TK2: variants seen among roughly 807,000 people sequenced by gnomAD.
TK2 encodes the protein thymidine kinase 2.
A neutral mutation model predicts 41.9 loss-of-function variants in TK2; 35 were observed. That is an observed-to-expected ratio of 0.84 (90% CI 0.64 to 1.11). The LOEUF is 1.11. TK2 is among the 50% of genes least tolerant of loss of function. The pLI is 0.00. For synonymous variants in TK2, 128 were observed against 129.1 expected, an observed-to-expected ratio of 0.99 and a Z score of 0.06; for missense variants, 320 against 351.1, an observed-to-expected ratio of 0.91 and a Z score of 0.71.
intron 3 of TK2, 33 bp from the exon 4 acceptor site, chr16:66,537,050 T>C: frequency 6.2e-7 from 1 of 1,613,130 alleles, no homozygotes; most frequent in Non-Finnish European, 8.5e-7. Flanking sequence ...AGCTACTGTT[T>C]CTCTGTGCTG....
Position 66,541,866 on chromosome 16 carries a change from A to G in TK2, c.231+13T>C. On this transcript the variant is annotated intron_variant, in intron 3 of 9. Coordinates refer to ENST00000544898, the MANE Select transcript of TK2 (RefSeq NM_004614.5). ...TTTCTCCGCTTCCTTCAAACCTAGC[A>G]TAGAGGCTGTACCTCGACGTCTGTC... is the stretch of plus-strand genomic sequence containing the variant. The G allele has an allele frequency of 6.2e-7, 1 of 1,614,104 alleles. No individual in the cohort carries two copies. Among genetic ancestry groups the G allele is most frequent in the South Asian group, 1.1e-5 (1 of 91,084 alleles).
intron 1 of TK2, chr16:66,549,295 T>G (rs1965707387): frequency 8.2e-7 from 1 of 1,226,450 alleles, no homozygotes; most frequent in African/African-American, 1.5e-5. Context: ...CTTCACAGAC[T>G]GGATGTTAAG....
At chr16:66,539,537 G>A (rs1965390985) in intron 3 of TK2, among the ~76,000 whole-genome samples, 1 of 149,752 alleles carries the variant, frequency 6.7e-6, no homozygotes, top group Admixed American at 6.7e-5. Flanking sequence ...GGAGGCGGAG[G>A]TTGCAGTGAG....
chr16:66,537,925 G>A (rs556874002), intron 3 of TK2, among the ~76,000 whole-genome samples: 2 of 152,290 alleles, frequency 1.3e-5, no homozygotes, highest in South Asian at 4.1e-4. Flanking sequence ...CACTTTGGGA[G>A]GCCAAGGCAG....
intron 6 of TK2, among the ~76,000 whole-genome samples, chr16:66,526,317 A>C (rs1270587668): frequency 2.6e-5 from 4 of 152,226 alleles, no homozygotes; most frequent in Non-Finnish European, 5.9e-5. Flanking sequence ...GCTCAGAGAA[A>C]TTTAGAAACT....
chr16:66,539,466 T>G (rs906623220), intron 3 of TK2, among the ~76,000 whole-genome samples: 1 of 150,942 alleles, frequency 6.6e-6, no homozygotes. Context: ...CTGGGCATGG[T>G]GGTGGGTGCT....
At position 66,550,031 on chromosome 16, in the gene TK2, C is replaced by A. The variant is rs1395399302; in HGVS notation, c.31G>T (p.Ala11Ser). The stretch of plus-strand genomic sequence containing the variant: ...GGCCCAAAGCAGCGCAGCGCCCGGG[C>A]GGCCCAGCCCCGCAGCGGCCACAGC... Reference protein sequence around the residue: MLLWPLRGWAARALRCFGPGS... With the variant: MLLWPLRGWASRALRCFGPGS... The change falls in exon 1 of 10, where the codon GCC (alanine) becomes TCC (serine). Residue 11 changes from alanine to serine, a missense_variant. Ala to Ser is a moderately conservative substitution (Grantham distance 99). Coordinates refer to ENST00000544898, the MANE Select transcript of TK2 (RefSeq NM_004614.5). The A allele has an allele frequency of 1.9e-6, 3 of 1,552,694 alleles. No individual in the cohort carries two copies. The highest frequency in any genetic ancestry group is 1.4e-5 in the African/African-American group (1 of 73,366).
intron 2 of TK2, among the ~76,000 whole-genome samples, chr16:66,542,789 T>C (rs936880060): frequency 6.6e-6 from 1 of 152,218 alleles, no homozygotes; most frequent in African/African-American, 2.4e-5. Flanking sequence ...TAGGACCACC[T>C]GGGACCTTTT....
In TK2 at chr16:66,528,884, A is replaced by G. The variant is rs890274239; in HGVS notation, c.449+110T>C. ...ACACCGCATTGCTATGGCAATGGAT[A>G]ACTGATACAACAGCGGGTACTCCAT... On this transcript the variant is annotated intron_variant, in intron 6 of 9. Coordinates refer to ENST00000544898, the MANE Select transcript of TK2 (RefSeq NM_004614.5). 1.1e-5 allele frequency: 11 copies of G among 1,026,148 alleles called. No individual in the cohort carries two copies. The African/African-American group carries it at 1.6e-4, about 15-fold the overall frequency. 63.6% of individuals were successfully genotyped at this position (1,026,148 alleles called of 1,614,324 possible).
Position 66,544,842 on chromosome 16 carries a change from T to C in TK2, c.157-2889A>G, listed in dbSNP as rs138776052. Among the ~76,000 whole-genome samples the C allele has an allele frequency of 3.7e-3, 559 of 152,062 alleles. 1 individual carries two copies. Among genetic ancestry groups the C allele is most frequent in the African/African-American group, 0.012 (497 of 41,492 alleles). ...GTGGCTCACGCCTGTAATCCCAGCA[T>C]TTTGGGAGGCCGAGGCAGGGGATCA... On this transcript the variant is annotated intron_variant, in intron 2 of 9. Coordinates refer to ENST00000544898, the MANE Select transcript of TK2 (RefSeq NM_004614.5).
At chr16:66,523,022 G>A (rs1964827874) in intron 6 of TK2, among the ~76,000 whole-genome samples, 1 of 152,148 alleles carries the variant, frequency 6.6e-6, no homozygotes, top group Non-Finnish European at 1.5e-5. Context: ...CAGAAGAGGT[G>A]GGTCTTTTCC....
At chr16:66,524,698 G>A (rs1394034074) in intron 6 of TK2, among the ~76,000 whole-genome samples, 2 of 152,182 alleles carry the variant, frequency 1.3e-5, no homozygotes, top group Non-Finnish European at 2.9e-5. Flanking sequence ...GTAGGAGTAT[G>A]GTCCCACCTG....
At chr16:66,545,236 A>T (rs376836867) in intron 2 of TK2, among the ~76,000 whole-genome samples, 8 of 152,212 alleles carry the variant, frequency 5.3e-5, no homozygotes, top group African/African-American at 1.4e-4. Context: ...TCCCTAAAAG[A>T]AGAAAATAAA....
At chr16:66,520,058 G>A (rs1037888043) in intron 6 of TK2, among the ~76,000 whole-genome samples, 7 of 152,206 alleles carry the variant, frequency 4.6e-5, no homozygotes, top group South Asian at 2.1e-4. Context: ...ACAGAGGAGC[G>A]GGAGAGTGGA....
chr16:66,536,783 CAG>C (rs1360755910), intron 4 of TK2, among the ~76,000 whole-genome samples, 179 bp downstream of exon 4: 4 of 152,110 alleles, frequency 2.6e-5, no homozygotes, highest in Admixed American at 2.6e-4. Flanking sequence ...ACTCAGGCCT[CAG>C]AGATCCTTGA....
At chr16:66,531,947 T>C (rs1464763601) in intron 4 of TK2, among the ~76,000 whole-genome samples, 1 of 151,882 alleles carries the variant, frequency 6.6e-6, no homozygotes, top group Admixed American at 6.6e-5. Flanking sequence ...CAATAGACAC[T>C]GGGGACTCCT....
At chr16:66,543,507 C>A (rs1008740397) in intron 2 of TK2, among the ~76,000 whole-genome samples, 2 of 152,164 alleles carry the variant, frequency 1.3e-5, no homozygotes, top group African/African-American at 4.8e-5. Flanking sequence ...CCCCTGAGAA[C>A]ACATTAGACA....
intron 2 of TK2, among the ~76,000 whole-genome samples, chr16:66,544,017 A>G (rs1319612532): frequency 6.6e-6 from 1 of 152,190 alleles, no homozygotes; most frequent in Non-Finnish European, 1.5e-5. Flanking sequence ...CTAGATATAT[A>G]AAAAGAGCTC....
chr16:66,526,390 C>T (rs1964930735), intron 6 of TK2, among the ~76,000 whole-genome samples: 1 of 152,166 alleles, frequency 6.6e-6, no homozygotes, highest in Admixed American at 6.5e-5. Context: ...CACCAAATGC[C>T]ACACTCTATC....
Sources: gnomAD v4.1 joint callset for allele counts (sites outside exome capture counted in the v4.1 genomes callset) on GRCh38, gnomAD v4.1.1 for gene constraint, MANE v1.5 for transcripts, NCBI Gene and HGNC (gene_info 2026-07-23, HGNC 2026-07-21) for gene names.